H2BC5: variants seen among roughly 807,000 people sequenced by gnomAD.
H2BC5 encodes the protein H2B clustered histone 5.
Under a neutral mutation model 5.7 loss-of-function variants are expected in H2BC5, and 9 were observed. The observed-to-expected ratio is 1.57, with a 90% CI of 0.95 to 2.74. The LOEUF is 2.74. Ranked by LOEUF, H2BC5 falls within the 30% of genes most tolerant of loss-of-function variation. H2BC5 has a pLI of 0.00. For missense variants in H2BC5, 175 were observed against 168.8 expected (o/e 1.04, Z -0.20); for synonymous variants, 133 against 70.9 (o/e 1.88, Z -4.40).
chr6:26,158,974 C>G (rs1439296292), downstream of H2BC5, among the ~76,000 whole-genome samples: 2 of 152,170 alleles, frequency 1.3e-5, no homozygotes, highest in Non-Finnish European at 2.9e-5. Flanking sequence ...CCACCACCAC[C>G]CCCGCCCATT....
intron 1 of H2BC5, among the ~76,000 whole-genome samples, chr6:26,170,008 A>T (rs1416008038): frequency 6.6e-6 from 1 of 152,190 alleles, no homozygotes; most frequent in African/African-American, 2.4e-5. Context: ...AAAAACAAAA[A>T]GGGGACATGA....
downstream of H2BC5, among the ~76,000 whole-genome samples, chr6:26,160,394 T>G (rs146311300): frequency 2.0e-5 from 3 of 150,870 alleles, no homozygotes; most frequent in East Asian, 5.8e-4. Flanking sequence ...GTATGACTAA[T>G]GAAAACAAAA....
At chr6:26,168,459 T>TA (rs1764468799) in intron 1 of H2BC5, among the ~76,000 whole-genome samples, 2 of 150,210 alleles carry the variant, frequency 1.3e-5, no homozygotes, top group Admixed American at 6.6e-5. Flanking sequence ...ACTCCATTTT[T>TA]TAAAAAAAAA....
In H2BC5 at chr6:26,166,706, T is replaced by G. The variant is rs1235000782; in HGVS notation, c.*10-4269T>G. ...GATACTTTTGGCTTTTTTTTTTTTT[T>G]TTTTTTTTTTTGACACGGAGTCTTG... On this transcript the variant is annotated intron_variant, in intron 1 of 1. Transcript: ENST00000289316. Among the ~76,000 whole-genome samples the G allele has an allele frequency of 2.5e-3, 372 of 146,126 alleles. 3 individuals carry two copies. The highest frequency in any genetic ancestry group is 0.01 in the East Asian group (51 of 5,068).
At chr6:26,164,157 A>G in intron 1 of H2BC5, 1 of 451,090 alleles carries the variant, frequency 2.2e-6, no homozygotes, top group Non-Finnish European at 4.5e-6. Context: ...GCCAACCACA[A>G]GCAACACTCA....
At chr6:26,158,912 C>G (rs1398353849), downstream of H2BC5, among the ~76,000 whole-genome samples, 1 of 152,210 alleles carries the variant, frequency 6.6e-6, no homozygotes, top group African/African-American at 2.4e-5. Flanking sequence ...ACGGCCCGCC[C>G]TGAGCACGAA....
chr6:26,164,939 A>G (rs1449946591), intron 1 of H2BC5, among the ~76,000 whole-genome samples: 2 of 152,054 alleles, frequency 1.3e-5, no homozygotes, highest in African/African-American at 4.8e-5. Flanking sequence ...GCTTGGGGGA[A>G]GATTCTAGCC....
chr6:26,169,913 AAAAAG>A (rs1219146407), intron 1 of H2BC5, among the ~76,000 whole-genome samples: 1 of 152,128 alleles, frequency 6.6e-6, no homozygotes, highest in Non-Finnish European at 1.5e-5. Context: ...AAAAAAGAAA[AAAAAG>A]AAAAAGAAAA....
exon 2 of H2BC5, chr6:26,171,006 T>C (rs1328097988): frequency 6.6e-6 from 1 of 152,170 alleles, no homozygotes; most frequent in Non-Finnish European, 1.5e-5. Context: ...GAGAAATGAA[T>C]GCATAAAATA....
At chr6:26,167,926 G>C (rs965885022) in intron 1 of H2BC5, among the ~76,000 whole-genome samples, 1 of 151,180 alleles carries the variant, frequency 6.6e-6, no homozygotes, top group African/African-American at 2.4e-5. Context: ...TTAAGTTTTA[G>C]GGTACATGTG....
At chr6:26,170,252 T>G (rs988821164) in intron 1 of H2BC5, among the ~76,000 whole-genome samples, 1 of 152,300 alleles carries the variant, frequency 6.6e-6, no homozygotes, top group African/African-American at 2.4e-5. Flanking sequence ...CATTTGTTTA[T>G]TGTTTGCCTC....
downstream of H2BC5, chr6:26,161,215 A>T (rs1344264285): frequency 2.6e-5 from 4 of 152,232 alleles, no homozygotes; most frequent in Non-Finnish European, 4.4e-5. Flanking sequence ...TCTGAAGGAA[A>T]AAAAAAGAAA....
intron 1 of H2BC5, among the ~76,000 whole-genome samples, chr6:26,169,451 AG>A (rs1429231533): frequency 2.0e-5 from 3 of 152,238 alleles, no homozygotes; most frequent in South Asian, 2.1e-4. Context: ...GGGCTCATAC[AG>A]GAACTACCAA....
At chr6:26,160,586 A>G (rs1764335749), downstream of H2BC5, among the ~76,000 whole-genome samples, 1 of 150,208 alleles carries the variant, frequency 6.7e-6, no homozygotes, top group African/African-American at 2.4e-5. Flanking sequence ...TACAGACTTG[A>G]GGCCAGGCAC....
At chr6:26,162,541 T>G (rs1561969481), downstream of H2BC5, among the ~76,000 whole-genome samples, 1 of 152,098 alleles carries the variant, frequency 6.6e-6, no homozygotes, top group African/African-American at 2.4e-5. Context: ...TTGGTTTTTG[T>G]TTGTTGTTGT....
intron 1 of H2BC5, chr6:26,164,182 T>C: frequency 2.2e-6 from 1 of 445,148 alleles, no homozygotes; most frequent in South Asian, 2.0e-5. Flanking sequence ...TAGCAGGAGG[T>C]GGCAGGGGTG....
chr6:26,166,270 T>C (rs779130376), intron 1 of H2BC5, among the ~76,000 whole-genome samples: 3 of 152,168 alleles, frequency 2.0e-5, no homozygotes, highest in Non-Finnish European at 4.4e-5. Context: ...CAGTGGTTAG[T>C]ATGTGGGAAG....
chr6:26,158,888 G>C (rs550686603), downstream of H2BC5, among the ~76,000 whole-genome samples: 1 of 152,148 alleles, frequency 6.6e-6, no homozygotes, highest in African/African-American at 2.4e-5. Flanking sequence ...GTTGATCCGG[G>C]ACTCGGTGTG....
At chr6:26,160,192 C>T (rs1260318734), downstream of H2BC5, among the ~76,000 whole-genome samples, 2 of 152,120 alleles carry the variant, frequency 1.3e-5, no homozygotes, top group Non-Finnish European at 2.9e-5. Flanking sequence ...GATTCAAACA[C>T]CCAAGCTGAG....
Sources: allele counts gnomAD v4.1 joint callset (sites outside exome capture counted in the v4.1 genomes callset), GRCh38; gene constraint gnomAD v4.1.1; transcripts MANE v1.5; gene names NCBI Gene and HGNC (gene_info 2026-07-23, HGNC 2026-07-21).